The following CSMD1 variants were observed in gnomAD, a reference collection of about 807,000 sequenced individuals.
The protein encoded by CSMD1 is CUB and sushi domain-containing protein 1.
CSMD1 carries 213 observed loss-of-function variants against 417.5 expected under a neutral mutation model. That is an observed-to-expected ratio of 0.51 (90% CI 0.46 to 0.57). CSMD1 has a LOEUF of 0.57. Among genes scored for constraint, CSMD1 ranks in the 20% least tolerant of loss-of-function variants. CSMD1 has a pLI of 0.00. For missense variants in CSMD1, 6,923 were observed against 4,529.7 expected (o/e 1.53, Z -15.17); for synonymous variants, 2,862 against 1,736.8 (o/e 1.65, Z -16.11).
chr8:3,217,023 G>C (rs1168402485), intron 29 of CSMD1, among the ~76,000 whole-genome samples: 1 of 151,926 alleles, frequency 6.6e-6, no homozygotes, highest in African/African-American at 2.4e-5. Flanking sequence ...ATTTCTCCAG[G>C]CTAGATGCAA....
At chr8:2,968,530 G>A (rs1238794696) in intron 57 of CSMD1, among the ~76,000 whole-genome samples, 2 of 152,182 alleles carry the variant, frequency 1.3e-5, no homozygotes, top group Non-Finnish European at 2.9e-5. Context: ...CTAATATTGG[G>A]AATGTCCCCT....
chr8:4,028,337 C>T (rs533097409), intron 4 of CSMD1, among the ~76,000 whole-genome samples: 3 of 152,130 alleles, frequency 2.0e-5, no homozygotes, highest in African/African-American at 7.2e-5. Flanking sequence ...AATAAAATGC[C>T]TACTTATGAA....
chr8:4,036,653 G>T (rs1368476338), intron 3 of CSMD1, among the ~76,000 whole-genome samples: 2 of 152,204 alleles, frequency 1.3e-5, no homozygotes, highest in Admixed American at 6.5e-5. Context: ...AGACATCAAT[G>T]GAGAGCATGC....
At chr8:4,353,940 G>T (rs1801247116) in intron 3 of CSMD1, among the ~76,000 whole-genome samples, 1 of 152,064 alleles carries the variant, frequency 6.6e-6, no homozygotes. Flanking sequence ...AGGTATATTA[G>T]GGAACTTCAT....
intron 5 of CSMD1, among the ~76,000 whole-genome samples, chr8:3,963,116 G>A (rs1585041692): frequency 6.6e-6 from 1 of 152,078 alleles, no homozygotes; most frequent in African/African-American, 2.4e-5. Flanking sequence ...TTTTTTAGTA[G>A]AGACGGGGTT....
At chr8:4,193,879 G>A (rs772725510) in intron 3 of CSMD1, among the ~76,000 whole-genome samples, 4 of 151,928 alleles carry the variant, frequency 2.6e-5, no homozygotes, top group Non-Finnish European at 5.9e-5. Flanking sequence ...AGCCTCAGCA[G>A]AACTGGCCAC....
chr8:4,218,513 G>A (rs544377023), intron 3 of CSMD1, among the ~76,000 whole-genome samples: 1 of 152,170 alleles, frequency 6.6e-6, no homozygotes, highest in East Asian at 1.9e-4. Context: ...AATAATATTT[G>A]CATTTATGCC....
chr8:4,138,205 AT>A (rs562419797), intron 3 of CSMD1, among the ~76,000 whole-genome samples: 5,187 of 69,424 alleles, frequency 0.075, 568 homozygotes, highest in Middle Eastern at 0.16. Context: ...GCAGCCTTAC[AT>A]TTTTTTTTTT....
intron 11 of CSMD1, among the ~76,000 whole-genome samples, chr8:3,479,185 T>C (rs1471832578): frequency 6.6e-6 from 1 of 152,174 alleles, no homozygotes; most frequent in Non-Finnish European, 1.5e-5. Context: ...GCCCACAAAA[T>C]AGGCTGAGAC....
intron 8 of CSMD1, among the ~76,000 whole-genome samples, chr8:3,611,680 T>G (rs1228058149): frequency 6.6e-6 from 1 of 152,132 alleles, no homozygotes; most frequent in African/African-American, 2.4e-5. Flanking sequence ...TTTCAATGCT[T>G]TCAGATCCTC....
intron 2 of CSMD1, among the ~76,000 whole-genome samples, chr8:4,604,384 T>TGA (rs1342215957): frequency 1.5e-4 from 8 of 53,484 alleles, no homozygotes; most frequent in Non-Finnish European, 5.8e-4. Flanking sequence ...AATAGCATTG[T>TGA]GTGTGTGTGT....
In CSMD1 at chr8:3,521,502, C is replaced by T. The variant is rs537045201; in HGVS notation, c.1345-27776G>A. ...TTCCTTGCTGTGGTCATGCCGGTCC[C>T]TGTATTACAATGATCTGCCTGAGTA... On this transcript the variant is annotated intron_variant, in intron 10 of 69. Coordinates refer to ENST00000635120, the MANE Select transcript of CSMD1 (RefSeq NM_033225.6). Among the ~76,000 whole-genome samples, 5 of 152,240 alleles carry T rather than the reference C, an allele frequency of 3.3e-5. No homozygotes were observed. The South Asian group carries it at 1.0e-3, about 32-fold the overall frequency.
intron 18 of CSMD1, among the ~76,000 whole-genome samples, chr8:3,381,586 C>T (rs1366863510): frequency 2.0e-5 from 3 of 152,030 alleles, no homozygotes; most frequent in African/African-American, 4.8e-5. Flanking sequence ...CAAATATTTG[C>T]ATCGTCTATA....
intron 1 of CSMD1, among the ~76,000 whole-genome samples, chr8:4,822,051 C>A (rs10104307): frequency 3.9e-5 from 6 of 152,020 alleles, no homozygotes; most frequent in Middle Eastern, 3.4e-3. Context: ...CCCTCTTTCC[C>A]TTTTCTATTC....
chr8:3,130,505 C>A (rs1265448443), intron 41 of CSMD1, among the ~76,000 whole-genome samples: 1 of 152,158 alleles, frequency 6.6e-6, no homozygotes, highest in Non-Finnish European at 1.5e-5. Context: ...TTTGCTTGAG[C>A]TTCTTCAGTG....
intron 23 of CSMD1, among the ~76,000 whole-genome samples, chr8:3,323,980 T>C (rs201343296): frequency 2.6e-5 from 3 of 117,498 alleles, no homozygotes; most frequent in South Asian, 3.1e-4. Context: ...CCTTTCATCA[T>C]TGTTAAAATA....
At chr8:4,354,171 C>A (rs944873734) in intron 3 of CSMD1, among the ~76,000 whole-genome samples, 12 of 152,052 alleles carry the variant, frequency 7.9e-5, no homozygotes, top group Non-Finnish European at 1.5e-4. Context: ...TAGCATATTC[C>A]CAAACAACAT....
intron 49 of CSMD1, among the ~76,000 whole-genome samples, chr8:3,085,908 ACT>A (rs1208719493): frequency 6.6e-6 from 1 of 152,002 alleles, no homozygotes; most frequent in Non-Finnish European, 1.5e-5. Flanking sequence ...TGGAGAGCAC[ACT>A]CTCTTTAGGC....
chr8:3,917,218 C>A lies in CSMD1; in HGVS notation c.818+80685G>T, dbSNP rs113070629. Among the ~76,000 whole-genome samples the A allele has an allele frequency of 2.0e-3, 311 of 152,224 alleles. 2 individuals carry two copies. The highest frequency in any genetic ancestry group is 2.8e-3 in the Non-Finnish European group (191 of 68,006). ...TCTCAGCTAAGTGTTTCCCATGAGC[C>A]ATTTCCTGTGGTTGAAATGCAACCC... On this transcript the variant is annotated intron_variant, in intron 5 of 69. Coordinates refer to ENST00000635120, the MANE Select transcript of CSMD1 (RefSeq NM_033225.6).
Sources: gnomAD v4.1 joint callset for allele counts (sites outside exome capture counted in the v4.1 genomes callset) on GRCh38, gnomAD v4.1.1 for gene constraint, MANE v1.5 for transcripts, NCBI Gene and HGNC (gene_info 2026-07-23, HGNC 2026-07-21) for gene names.